FAM241B: variants seen among roughly 807,000 people sequenced by gnomAD.
The protein encoded by FAM241B is protein FAM241B.
FAM241B carries 7 observed loss-of-function variants against 9.3 expected under a neutral mutation model. The observed-to-expected ratio is 0.75, with a 90% CI of 0.43 to 1.41. The LOEUF (loss-of-function observed/expected upper bound fraction) is 1.41. Among genes scored for constraint, FAM241B ranks in the 40% most tolerant of loss-of-function variants. The pLI is 0.01. For missense variants in FAM241B, 136 were observed against 159.6 expected (o/e 0.85, Z 0.80); for synonymous variants, 60 against 64.1 (o/e 0.94, Z 0.31).
rs1839867435 is a variant in FAM241B at position 69,633,485 on chromosome 10, G to A, written c.*426G>A. 5.4e-6 allele frequency: 1 copy of A among 185,910 alleles called. No individual in the cohort carries two copies. The highest frequency in any genetic ancestry group is 2.4e-5 in the African/African-American group (1 of 42,370). 11.5% of individuals were successfully genotyped at this position (185,910 alleles called of 1,614,324 possible). A position where few individuals can be genotyped will look rare whatever the true frequency, so the allele number is the denominator to read the frequency against. On this transcript the variant is annotated 3_prime_UTR_variant, in exon 4 of 4. Transcript: ENST00000373279. ...GTGGAAAAAATTCCAGACTTTTTTAGCACTGTTTTTGTTTTAATGGTATAT... is the reference window on the plus strand; with the variant it reads ...GTGGAAAAAATTCCAGACTTTTTTAACACTGTTTTTGTTTTAATGGTATAT...
chr10:69,630,856 A>C (rs1839806304), intron 1 of FAM241B, among the ~76,000 whole-genome samples: 1 of 152,148 alleles, frequency 6.6e-6, no homozygotes, highest in Admixed American at 6.5e-5. Flanking sequence ...TTCCCTGCGA[A>C]GTGAGGGACA....
chr10:69,631,988 T>C, intron 3 of FAM241B, 149 bp downstream of exon 3: 1 of 771,830 alleles, frequency 1.3e-6, no homozygotes, highest in Non-Finnish European at 2.0e-6. Flanking sequence ...TGGCTTATTG[T>C]CTACCTCCCC....
intron 1 of FAM241B, among the ~76,000 whole-genome samples, chr10:69,630,894 G>A (rs1839807271): frequency 6.6e-6 from 1 of 152,156 alleles, no homozygotes; most frequent in Non-Finnish European, 1.5e-5. Flanking sequence ...CTGCAGCAAA[G>A]GTGTGCTCTT....
intron 1 of FAM241B, chr10:69,630,651 A>G: frequency 7.7e-7 from 1 of 1,299,604 alleles, no homozygotes; most frequent in Non-Finnish European, 1.0e-6. Flanking sequence ...CACCAGTGCT[A>G]TCTGGAATGT....
In FAM241B at chr10:69,631,809, C is replaced by G; in HGVS notation, c.66C>G (p.Thr22=). 1.2e-6 allele frequency: 2 copies of G among 1,612,764 alleles called. No homozygotes were observed. The highest frequency in any genetic ancestry group is 1.1e-5 in the South Asian group (1 of 90,346). The change falls in exon 3 of 4, where the codon ACC becomes ACG. Residue 22 remains threonine (T), a synonymous_variant. Transcript: ENST00000373279. ...QDDDPRVRTT[T]QPPRGSIPRQ... ...ACGACCCCCGAGTGAGGACCACTAC[C>G]CAGCCACCAAGAGGTAGCATTCCTC...
Position 69,632,791 on chromosome 10 carries a change from G to C in FAM241B, c.98G>C (p.Ser33Thr), listed in dbSNP as rs1564646419. 1.2e-6 allele frequency: 2 copies of C among 1,612,626 alleles called. No individual in the cohort carries two copies. The highest frequency in any genetic ancestry group is 8.5e-7 in the Non-Finnish European group (1 of 1,179,522). The change falls in exon 4 of 4, where the codon AGC becomes ACC. Residue 33 changes from serine to threonine, a missense_variant and splice_region_variant. By Grantham distance (58) the Ser-to-Thr change is moderately conservative. Coordinates refer to ENST00000373279, the MANE Select transcript of FAM241B (RefSeq NM_145306.3). Reference sequence around the variant, plus strand: ...TCTCTCTCTGTCTTCACATTCCAGAGCTTCTTCAACAGGGGCCATGGTGCT... The same window carrying C: ...TCTCTCTCTGTCTTCACATTCCAGACCTTCTTCAACAGGGGCCATGGTGCT... ...QPPRGSIPRQ[S>T]FFNRGHGAPP... is the part of the protein sequence containing the mutation.
At chr10:69,631,601 C>T (rs1839821484) in intron 2 of FAM241B, 54 bp downstream of exon 2, 1 of 1,547,664 alleles carries the variant, frequency 6.5e-7, no homozygotes, top group South Asian at 1.2e-5. Flanking sequence ...CTCCACAGAT[C>T]TTCACGAGTC....
In FAM241B at chr10:69,631,716, C is replaced by A; in HGVS notation, c.-28C>A. On this transcript the variant is annotated 5_prime_UTR_variant, in exon 3 of 4. Transcript: ENST00000373279. ...CCTGACCACACAATGCAGGTGCAGC[C>A]CATCAGGGACCCACAGCGCCTGGGA... is the stretch of plus-strand genomic sequence containing the variant. 6.2e-7 allele frequency: 1 copy of A among 1,607,834 alleles called. No homozygotes were observed. The highest frequency in any genetic ancestry group is 8.5e-7 in the Non-Finnish European group (1 of 1,177,700).
At chr10:69,631,070 T>G (rs1244329921) in intron 1 of FAM241B, among the ~76,000 whole-genome samples, 2 of 152,168 alleles carry the variant, frequency 1.3e-5, no homozygotes, top group Non-Finnish European at 2.9e-5. Context: ...GGAAGGGAAT[T>G]GGAACCCCAC....
At position 69,633,460 on chromosome 10, in the gene FAM241B, G is replaced by A. The variant is rs1196102740; in HGVS notation, c.*401G>A. 5.1e-6 allele frequency: 1 copy of A among 197,900 alleles called. No homozygotes were observed. Among genetic ancestry groups the A allele is most frequent in the Admixed American group, 5.3e-5 (1 of 19,032 alleles). 12.3% of individuals were successfully genotyped at this position (197,900 alleles called of 1,614,324 possible). A position where few individuals can be genotyped will look rare whatever the true frequency, so the allele number is the denominator to read the frequency against. Reference sequence around the variant, plus strand: ...GGAGCAGGACTTGGGCTTAGGGCAGGTGGAAAAAATTCCAGACTTTTTTAG... The same window carrying A: ...GGAGCAGGACTTGGGCTTAGGGCAGATGGAAAAAATTCCAGACTTTTTTAG... On this transcript the variant is annotated 3_prime_UTR_variant, in exon 4 of 4. Transcript: ENST00000373279.
Position 69,631,709 on chromosome 10 carries a change from G to A in FAM241B, c.-35G>A, listed in dbSNP as rs1356125812. 1.2e-6 allele frequency: 2 copies of A among 1,604,406 alleles called. No individual in the cohort carries two copies. The highest frequency in any genetic ancestry group is 1.7e-6 in the Non-Finnish European group (2 of 1,176,250). On this transcript the variant is annotated splice_region_variant and 5_prime_UTR_variant, in exon 3 of 4. It adds an upstream start codon to the 5' untranslated region. Transcript: ENST00000373279. Reference sequence around the variant, plus strand: ...TGCCCACCCTGACCACACAATGCAGGTGCAGCCCATCAGGGACCCACAGCG... The same window carrying A: ...TGCCCACCCTGACCACACAATGCAGATGCAGCCCATCAGGGACCCACAGCG...
At position 69,633,076 on chromosome 10, in the gene FAM241B, G is replaced by C. The variant is rs769181998; in HGVS notation, c.*17G>C. 6.2e-7 allele frequency: 1 copy of C among 1,613,240 alleles called. No homozygotes were observed. The highest frequency in any genetic ancestry group is 1.3e-5 in the African/African-American group (1 of 74,864). ...CAGCGGTGACCTCTGAGGGCTGATA[G>C]GGGTGGGTTTGTTGAGAGGGACTTG... On this transcript the variant is annotated 3_prime_UTR_variant, in exon 4 of 4. Coordinates refer to ENST00000373279, the MANE Select transcript of FAM241B (RefSeq NM_145306.3).
Position 69,632,891 on chromosome 10 carries a change from C to T in FAM241B, c.198C>T (p.Asp66=). 4 of 1,614,256 alleles carry T rather than the reference C, an allele frequency of 2.5e-6. No individual in the cohort carries two copies. The highest frequency in any genetic ancestry group is 2.5e-6 in the Non-Finnish European group (3 of 1,180,046). Reference sequence around the variant, plus strand: ...GTGCTGCTCAGTCCCCCTTCAATGACCTCAACCGGCAGCTGGTGAACATGG... The same window carrying T: ...GTGCTGCTCAGTCCCCCTTCAATGATCTCAACCGGCAGCTGGTGAACATGG... The part of the protein sequence containing the change: ...RLGAAQSPFN[D]LNRQLVNMGF... Residue 66 remains aspartate (D), a synonymous_variant, in exon 4 of 4, where the codon GAC becomes GAT. Coordinates refer to ENST00000373279, the MANE Select transcript of FAM241B (RefSeq NM_145306.3).
chr10:69,631,963 C>CTGGGTAAGACT (rs3214899), intron 3 of FAM241B, 124 bp downstream of exon 3: 910,742 of 1,349,890 alleles, frequency 0.67, 311,444 homozygotes, highest in East Asian at 0.88. Context: ...TTGCAGAGAG[C>CTGGGTAAGACT]TGGGGAAGAT....
chr10:69,631,973 T>C, intron 3 of FAM241B, 134 bp downstream of exon 3: 1 of 332,840 alleles, frequency 3.0e-6, no homozygotes. Flanking sequence ...CTGGGGAAGA[T>C]GCAGTGGCTT....
intron 3 of FAM241B, among the ~76,000 whole-genome samples, 187 bp from the exon 4 acceptor site, chr10:69,632,603 G>C (rs140649090): frequency 1.3e-3 from 200 of 152,228 alleles, no homozygotes; most frequent in Middle Eastern, 6.8e-3. Flanking sequence ...AGACTGGCAT[G>C]TTCTGTGCTC....
chr10:69,631,264 G>A lies in FAM241B; in HGVS notation c.-103-216G>A, dbSNP rs145458798. Reference sequence around the variant, plus strand: ...TACCCTCCTCGGGGGAGTGTTGTGAGGCTTGAGTGAGGTGAGCCTTGCAGG... The same window carrying A: ...TACCCTCCTCGGGGGAGTGTTGTGAAGCTTGAGTGAGGTGAGCCTTGCAGG... On this transcript the variant is annotated intron_variant, in intron 1 of 3. Transcript: ENST00000373279. Among the ~76,000 whole-genome samples, 12 of 152,368 alleles carry A rather than the reference G, an allele frequency of 7.9e-5. No individual in the cohort carries two copies. The Middle Eastern group carries it at 0.014, about 173-fold the overall frequency.
chr10:69,630,965 C>T (rs1315461220), intron 1 of FAM241B, among the ~76,000 whole-genome samples: 1 of 152,120 alleles, frequency 6.6e-6, no homozygotes, highest in Admixed American at 6.5e-5. Flanking sequence ...AAAGTAACCC[C>T]GAAGTGACCC....
Position 69,631,501 on chromosome 10 carries a change from G to T in FAM241B, c.-82G>T. On this transcript the variant is annotated 5_prime_UTR_variant, in exon 2 of 4. Transcript: ENST00000373279. ...TCAGACACAGCATCTACTCAGCGTG[G>T]GTCACCTCTGTGAACATCACTGACT... 2 of 1,533,782 alleles carry T rather than the reference G, an allele frequency of 1.3e-6. No individual in the cohort carries two copies. Among genetic ancestry groups the T allele is most frequent in the Non-Finnish European group, 1.8e-6 (2 of 1,136,262 alleles).
Sources: gnomAD v4.1 joint callset for allele counts (sites outside exome capture counted in the v4.1 genomes callset) on GRCh38, gnomAD v4.1.1 for gene constraint, MANE v1.5 for transcripts, NCBI Gene and HGNC (gene_info 2026-07-23, HGNC 2026-07-21) for gene names.